Variants in ZNF540 observed in about 807,000 individuals in gnomAD.
ZNF540 encodes the protein zinc finger protein 540, also known as CTD-3064H18.6.
Under a neutral mutation model 11.8 loss-of-function variants are expected in ZNF540, and 3 were observed. The ratio of observed to expected loss-of-function variants is 0.25; its 90% CI spans 0.12 to 0.65. The LOEUF is 0.65. ZNF540 is among the 30% of genes least tolerant of loss of function. ZNF540 has a pLI of 0.83. For missense variants in ZNF540, 709 were observed against 793.1 expected, an observed-to-expected ratio of 0.89 and a Z score of 1.27; for synonymous variants, 247 against 259.0, an observed-to-expected ratio of 0.95 and a Z score of 0.45.
At chr19:37,570,539 A>G (rs955711) in intron 1 of ZNF540, among the ~76,000 whole-genome samples, 2,245 of 152,342 alleles carry the variant, frequency 0.015, 51 homozygotes, top group East Asian at 0.05. Context: ...GACATTTACC[A>G]TCATAGAACT....
Position 37,614,043 on chromosome 19 carries a change from C to G in ZNF540, c.*780C>G. 2.5e-6 allele frequency: 1 copy of G among 394,818 alleles called. No individual in the cohort carries two copies. Among genetic ancestry groups the G allele is most frequent in the East Asian group, 3.6e-5 (1 of 27,918 alleles). The allele number at this position is 394,818 out of a possible 1,614,324, so 24.5% of individuals were successfully genotyped here. A position where few individuals can be genotyped will look rare whatever the true frequency, so the allele number is the denominator to read the frequency against. On this transcript the variant is annotated 3_prime_UTR_variant, in exon 5 of 5. Transcript: ENST00000316433. ...GAACCCAAGCATGCTGGCACCTTGACCTTGGACTTTCAGCCTCCAAAACTG... is the reference window on the plus strand; with the variant it reads ...GAACCCAAGCATGCTGGCACCTTGAGCTTGGACTTTCAGCCTCCAAAACTG...
chr19:37,577,370 A>T (rs2043278710), intron 1 of ZNF540, among the ~76,000 whole-genome samples: 1 of 152,182 alleles, frequency 6.6e-6, no homozygotes, highest in South Asian at 2.1e-4. Flanking sequence ...TTTGAACCAA[A>T]CCTAGCCCCA....
intron 1 of ZNF540, among the ~76,000 whole-genome samples, chr19:37,578,027 C>G (rs2043304652): frequency 1.3e-5 from 2 of 152,132 alleles, no homozygotes; most frequent in Non-Finnish European, 1.5e-5. Context: ...CATAGGAGCT[C>G]GAACCCTATA....
intron 4 of ZNF540, among the ~76,000 whole-genome samples, chr19:37,608,734 C>T (rs945270285): frequency 6.6e-5 from 10 of 152,140 alleles, no homozygotes; most frequent in East Asian, 3.8e-4. Context: ...TTAACCAGTG[C>T]TTCCAGTTTT....
chr19:37,566,556 TAA>T, intron 1 of ZNF540: 1 of 315,384 alleles, frequency 3.2e-6, no homozygotes, highest in Non-Finnish European at 5.8e-6. Flanking sequence ...AGGAGGCTTA[TAA>T]AATAGTAATA....
At chr19:37,585,836 T>C (rs1039537200) in intron 1 of ZNF540, 1 of 152,128 alleles carries the variant, frequency 6.6e-6, no homozygotes, top group Non-Finnish European at 1.5e-5. Context: ...TTGGGCCCAA[T>C]GTATTTGTAA....
chr19:37,565,646 C>T lies in ZNF540; in HGVS notation c.-73+13981C>T, dbSNP rs1431201758. The T allele has an allele frequency of 2.5e-6, 4 of 1,613,082 alleles. No homozygotes were observed. The South Asian group carries it at 3.3e-5, about 13-fold the overall frequency. On this transcript the variant is annotated intron_variant, in intron 1 of 4. Transcript: ENST00000592533. ...ATGAAGAGTATATTGTGAACAATAACTAAAGGCTTTTCCACATTTCTTACA... is the reference window on the plus strand; with the variant it reads ...ATGAAGAGTATATTGTGAACAATAATTAAAGGCTTTTCCACATTTCTTACA...
intron 1 of ZNF540, among the ~76,000 whole-genome samples, chr19:37,577,508 A>C (rs1295063617): frequency 6.6e-6 from 1 of 152,216 alleles, no homozygotes; most frequent in East Asian, 1.9e-4. Flanking sequence ...AAAGAATATT[A>C]AGGACAAAAA....
rs1600451022 is a variant in ZNF540 at position 37,564,365 on chromosome 19, G to C, written c.-73+12700G>C. ...AAGAAATATATAGGATTTCAGTTAG[G>C]ATATGGTGAAATGGAGATGATGCTT... On this transcript the variant is annotated intron_variant, in intron 1 of 4. Coordinates refer to the ZNF540 transcript ENST00000592533. 4 of 364,898 alleles carry C rather than the reference G, an allele frequency of 1.1e-5. No individual in the cohort carries two copies. The East Asian group carries it at 1.7e-4, about 15-fold the overall frequency. The allele number at this position is 364,898 out of a possible 1,614,324, so 22.6% of individuals were successfully genotyped here.
chr19:37,561,074 A>AAAAAAAG (rs57590004), intron 1 of ZNF540, among the ~76,000 whole-genome samples: 12 of 135,816 alleles, frequency 8.8e-5, no homozygotes, highest in African/African-American at 3.2e-4. Flanking sequence ...AAAAAAAAAA[A>AAAAAAAG]GAAAGAAAAA....
At chr19:37,575,205 C>T (rs935963023) in intron 1 of ZNF540, among the ~76,000 whole-genome samples, 2 of 152,122 alleles carry the variant, frequency 1.3e-5, no homozygotes, top group Non-Finnish European at 1.5e-5. Flanking sequence ...TAAAATCTAA[C>T]TACTTTATGG....
rs748473612 is a variant in ZNF540 at position 37,611,611 on chromosome 19, C to G, written c.331C>G (p.Leu111Val). The change falls in exon 5 of 5, where the codon CTT becomes GTT. Residue 111 changes from leucine (L) to valine (V), a missense_variant. By Grantham distance (32) the Leu-to-Val change is conservative (BLOSUM62 1). Transcript: ENST00000316433. Reference sequence around the variant, plus strand: ...GAGTATAATAGAAAAAAGTAAAACTCTTCGTCTGAAAGGATCCATTTTTAG... The same window carrying G: ...GAGTATAATAGAAAAAAGTAAAACTGTTCGTCTGAAAGGATCCATTTTTAG... ...KESIIEKSKT[L>V]RLKGSIFRNE... 3.1e-6 allele frequency: 5 copies of G among 1,613,784 alleles called. No individual in the cohort carries two copies. The highest frequency in any genetic ancestry group is 1.1e-5 in the South Asian group (1 of 91,050).
At chr19:37,583,126 C>G (rs539217296) in intron 1 of ZNF540, among the ~76,000 whole-genome samples, 7 of 152,314 alleles carry the variant, frequency 4.6e-5, no homozygotes, top group African/African-American at 1.7e-4. Context: ...CTTCTCTTCC[C>G]TCTGCCTGAA....
intron 3 of ZNF540, 152 bp downstream of exon 3, chr19:37,599,904 C>T: frequency 1.3e-6 from 1 of 796,558 alleles, no homozygotes; most frequent in Non-Finnish European, 1.9e-6. Flanking sequence ...GTGAATGGCA[C>T]TTCCACTAAA....
chr19:37,583,156 C>T (rs1047224720), intron 1 of ZNF540, among the ~76,000 whole-genome samples: 1 of 152,180 alleles, frequency 6.6e-6, no homozygotes, highest in East Asian at 1.9e-4. Context: ...CCCTGATTTA[C>T]AGCCAACTTT....
intron 4 of ZNF540, among the ~76,000 whole-genome samples, chr19:37,602,665 G>C (rs1270799670): frequency 6.6e-6 from 1 of 152,176 alleles, no homozygotes; most frequent in Non-Finnish European, 1.5e-5. Context: ...AGGAAGAGGA[G>C]GCAGCAAGTA....
chr19:37,604,602 T>C (rs7259566), intron 4 of ZNF540, among the ~76,000 whole-genome samples: 115,574 of 151,880 alleles, frequency 0.76, 44,068 homozygotes, highest in South Asian at 0.87. Flanking sequence ...CCACCGCGCC[T>C]GGCCAGCCTT....
intron 1 of ZNF540, among the ~76,000 whole-genome samples, chr19:37,578,290 C>G (rs11883392): frequency 0.85 from 129,151 of 152,112 alleles, 55,206 homozygotes; most frequent in African/African-American, 0.95. Flanking sequence ...AACAGAGAGA[C>G]AAGCCAGGCA....
Position 37,599,664 on chromosome 19 carries a change from T to C in ZNF540, c.48T>C (p.Ser16=). ...VTFRDVAIDF[S]QKEWECLDTT... ...TCAGGGATGTGGCTATAGACTTCTC[T>C]CAGAAGGAATGGGAGTGCCTGGACA... is the stretch of plus-strand genomic sequence containing the variant. Residue 16 remains serine (S), a synonymous_variant, in exon 3 of 5, where the codon TCT becomes TCC. Coordinates refer to ENST00000316433, the MANE Select transcript of ZNF540 (RefSeq NM_001172225.3). The C allele has an allele frequency of 6.2e-7, 1 of 1,614,050 alleles. No homozygotes were observed. The highest frequency in any genetic ancestry group is 8.5e-7 in the Non-Finnish European group (1 of 1,179,952).
Sources: allele counts gnomAD v4.1 joint callset (sites outside exome capture counted in the v4.1 genomes callset), GRCh38; gene constraint gnomAD v4.1.1; transcripts MANE v1.5; gene names NCBI Gene and HGNC (gene_info 2026-07-23, HGNC 2026-07-21).